The following DNAJB9 variants were observed in gnomAD, a reference collection of about 807,000 sequenced individuals.
DNAJB9 encodes DnaJ heat shock protein family (Hsp40) member B9.
DNAJB9 carries 12 observed loss-of-function variants against 19.2 expected under a neutral mutation model. That is an observed-to-expected ratio of 0.62 (90% CI 0.40 to 1.01). The LOEUF is 1.01. DNAJB9 is among the 50% of genes least tolerant of loss of function. The pLI is 0.00. For synonymous variants in DNAJB9, 83 were observed against 84.0 expected (o/e 0.99, Z 0.07); for missense variants, 272 against 261.1 (o/e 1.04, Z -0.29).
At chr7:108,572,642 CATTT>C (rs1248737508) in intron 2 of DNAJB9, among the ~76,000 whole-genome samples, 2 of 152,094 alleles carry the variant, frequency 1.3e-5, no homozygotes, top group Admixed American at 6.5e-5. Context: ...GTAATGGTAA[CATTT>C]AATAACTTTA....
chr7:108,572,856 A>G (rs374843202), intron 2 of DNAJB9, 43 bp from the exon 3 acceptor site: 4 of 1,478,594 alleles, frequency 2.7e-6, no homozygotes, highest in Non-Finnish European at 3.7e-6. Context: ...GTAATTTTGA[A>G]TATTTTACCT....
intron 2 of DNAJB9, among the ~76,000 whole-genome samples, chr7:108,572,417 A>G (rs1185230592): frequency 2.0e-5 from 3 of 152,180 alleles, no homozygotes; most frequent in Non-Finnish European, 2.9e-5. Flanking sequence ...CTCTAAAACA[A>G]ATTGCACCTG....
At position 108,571,823 on chromosome 7, in the gene DNAJB9, G is replaced by T. The variant is rs1231543919; in HGVS notation, c.97G>T (p.Val33Leu). The T allele has an allele frequency of 5.0e-6, 8 of 1,614,000 alleles. No individual in the cohort carries two copies. The highest frequency in any genetic ancestry group is 6.8e-6 in the Non-Finnish European group (8 of 1,180,038). Residue 33 changes from valine to leucine, a missense_variant, in exon 2 of 3, where the codon GTG becomes TTG. By Grantham distance (32) the Val-to-Leu change is conservative. Coordinates refer to ENST00000249356, the MANE Select transcript of DNAJB9 (RefSeq NM_012328.3). Reference protein sequence around the residue: ...ASKSYYDILGVPKSASERQIK... With the variant: ...ASKSYYDILGLPKSASERQIK... The stretch of plus-strand genomic sequence containing the variant: ...AAAAAGCTACTATGATATCTTAGGT[G>T]TGCCAAAATCGGCATCAGAGCGCCA...
chr7:108,574,138 T>C lies in DNAJB9; in HGVS notation c.*785T>C, dbSNP rs1584294573. The C allele has an allele frequency of 6.5e-6, 1 of 152,778 alleles. No homozygotes were observed. Among genetic ancestry groups the C allele is most frequent in the African/African-American group, 2.4e-5 (1 of 41,590 alleles). 9.5% of individuals were successfully genotyped at this position (152,778 alleles called of 1,614,324 possible). A position where few individuals can be genotyped will look rare whatever the true frequency, so the allele number is the denominator to read the frequency against. ...TTTATGTGTTTGTGTGTGTGTAGTT[T>C]ATCCTCTCTCTCATCTTTATCTAGA... On this transcript the variant is annotated 3_prime_UTR_variant, in exon 3 of 3. Coordinates refer to ENST00000249356, the MANE Select transcript of DNAJB9 (RefSeq NM_012328.3).
chr7:108,572,948 T>TGG lies in DNAJB9; in HGVS notation c.268_269dup (p.His91AspfsTer153), dbSNP rs1179605233. 1.9e-6 allele frequency: 3 copies of TGG among 1,614,030 alleles called. No homozygotes were observed. The highest frequency in any genetic ancestry group is 2.5e-6 in the Non-Finnish European group (3 of 1,179,922). On this transcript the variant is annotated frameshift_variant, in exon 3 of 3. Transcript: ENST00000249356. LOFTEE classifies it high-confidence loss of function. ...ATAGACGAAAAGAGTATGATACACT[T>TGG]GGACACAGTGCTTTTACTAGTGGTA...
intron 1 of DNAJB9, among the ~76,000 whole-genome samples, chr7:108,571,094 T>C (rs559318354): frequency 6.6e-6 from 1 of 152,358 alleles, no homozygotes; most frequent in South Asian, 2.1e-4. Context: ...TTAGCCATGC[T>C]TCCTGGTTAA....
chr7:108,571,972 A>G (rs887281760), intron 2 of DNAJB9, 29 bp downstream of exon 2: 5 of 1,605,300 alleles, frequency 3.1e-6, no homozygotes, highest in Non-Finnish European at 4.3e-6. Context: ...CTGAAGTGTC[A>G]TGGGTATTAA....
At chr7:108,571,010 A>G (rs923216718) in intron 1 of DNAJB9, among the ~76,000 whole-genome samples, 2 of 152,242 alleles carry the variant, frequency 1.3e-5, no homozygotes, top group Non-Finnish European at 2.9e-5. Context: ...CACAGTACAA[A>G]CTATCAAAGT....
rs772501196 is a variant in DNAJB9, at chr7:108,572,914, C to T, written c.233C>T (p.Ser78Leu). Residue 78 changes from serine to leucine, a missense_variant, in exon 3 of 3, where the codon TCA becomes TTA. By Grantham distance (145) the Ser-to-Leu change is moderately radical (BLOSUM62 -2). Coordinates refer to ENST00000249356, the MANE Select transcript of DNAJB9 (RefSeq NM_012328.3). Reference sequence around the variant, plus strand: ...TCACTTTCAGCATATGAAACACTCTCAGATGCTAATAGACGAAAAGAGTAT... The same window carrying T: ...TCACTTTCAGCATATGAAACACTCTTAGATGCTAATAGACGAAAAGAGTAT... Reference protein sequence around the residue: ...REIAEAYETLSDANRRKEYDT... With the variant: ...REIAEAYETLLDANRRKEYDT... 1.6e-5 allele frequency: 26 copies of T among 1,603,062 alleles called. No homozygotes were observed. The highest frequency in any genetic ancestry group is 2.2e-5 in the East Asian group (1 of 44,690).
At chr7:108,570,679 C>G (rs1013177346) in intron 1 of DNAJB9, among the ~76,000 whole-genome samples, 3 of 152,136 alleles carry the variant, frequency 2.0e-5, no homozygotes, top group African/African-American at 7.2e-5. Flanking sequence ...GTTCTTGATT[C>G]TTGGTACCCG....
Position 108,573,220 on chromosome 7 carries a change from G to C in DNAJB9, c.539G>C (p.Ser180Thr). The change falls in exon 3 of 3, where the codon AGT becomes ACT. Residue 180 changes from serine (S) to threonine (T), a missense_variant. Transcript: ENST00000249356. The stretch of plus-strand genomic sequence containing the variant: ...GATATGGAGAAAATGTTTTCTTTTA[G>C]TGGTTTTGACTCTACCAATCAGCAT... Reference protein sequence around the residue: ...FEDMEKMFSFSGFDSTNQHTV... With the variant: ...FEDMEKMFSFTGFDSTNQHTV... 6.2e-7 allele frequency: 1 copy of C among 1,613,990 alleles called. No individual in the cohort carries two copies. The highest frequency in any genetic ancestry group is 8.5e-7 in the Non-Finnish European group (1 of 1,179,914).
At chr7:108,571,013 A>G (rs529145481) in intron 1 of DNAJB9, among the ~76,000 whole-genome samples, 1 of 152,262 alleles carries the variant, frequency 6.6e-6, no homozygotes, top group Admixed American at 6.5e-5. Context: ...AGTACAAACT[A>G]TCAAAGTTCA....
At position 108,569,902 on chromosome 7, in the gene DNAJB9, G is replaced by T. The variant is rs930008252; in HGVS notation, c.-212G>T. 6.8e-6 allele frequency: 3 copies of T among 438,132 alleles called. No homozygotes were observed. The highest frequency in any genetic ancestry group is 5.2e-5 in the South Asian group (2 of 38,616). The allele number at this position is 438,132 out of a possible 1,614,324, so 27.1% of individuals were successfully genotyped here. ...GTGGTGGCGCCAGCGGCTACCTCCTGCCTGTGAGGAGCTGGCTGAGAGGGG... is the reference window on the plus strand; with the variant it reads ...GTGGTGGCGCCAGCGGCTACCTCCTTCCTGTGAGGAGCTGGCTGAGAGGGG... On this transcript the variant is annotated 5_prime_UTR_variant, in exon 1 of 3. Transcript: ENST00000249356.
rs1401440690 is a variant in DNAJB9 at position 108,573,326 on chromosome 7, T to TA, written c.646dup (p.Thr216AsnfsTer4). ...CTCAACGAAGAGGAAATATGGTTAC[T>TA]ACATACACTGACTGTTCAGGACAGT... On this transcript the variant is annotated frameshift_variant, in exon 3 of 3. Coordinates refer to ENST00000249356, the MANE Select transcript of DNAJB9 (RefSeq NM_012328.3). LOFTEE classifies it high-confidence loss of function. The TA allele has an allele frequency of 6.3e-7, 1 of 1,596,318 alleles. No individual in the cohort carries two copies. The highest frequency in any genetic ancestry group is 8.5e-7 in the Non-Finnish European group (1 of 1,171,640).
Position 108,573,451 on chromosome 7 carries a change from T to G in DNAJB9, c.*98T>G. On this transcript the variant is annotated 3_prime_UTR_variant, in exon 3 of 3. Coordinates refer to ENST00000249356, the MANE Select transcript of DNAJB9 (RefSeq NM_012328.3). ...TGAACTATTTTGACAAGTGCATGAT[T>G]TCACTTTAAACAATTTGATATAGCT... 6.5e-6 allele frequency: 6 copies of G among 922,028 alleles called. No homozygotes were observed. Among genetic ancestry groups the G allele is most frequent in the Non-Finnish European group, 9.0e-6 (6 of 664,948 alleles). The allele number at this position is 922,028 out of a possible 1,614,324, so 57.1% of individuals were successfully genotyped here.
chr7:108,570,484 A>T (rs1344865276), intron 1 of DNAJB9, among the ~76,000 whole-genome samples: 1 of 150,894 alleles, frequency 6.6e-6, no homozygotes, highest in Non-Finnish European at 1.5e-5. Context: ...AGAAGTCTGT[A>T]CAATACAAAA....
Position 108,574,708 on chromosome 7 carries a change from T to C in DNAJB9, c.*1355T>C, listed in dbSNP as rs1385219696. 6.6e-6 allele frequency: 1 copy of C among 152,228 alleles called. No individual in the cohort carries two copies. Among genetic ancestry groups the C allele is most frequent in the Admixed American group, 6.5e-5 (1 of 15,288 alleles). The allele number at this position is 152,228 out of a possible 1,614,324, so 9.4% of individuals were successfully genotyped here. ...GGCGTGGTTGAGAAAAAGCAGAAAC[T>C]TTACATAAAGCTGTATTTCTTAATC... On this transcript the variant is annotated 3_prime_UTR_variant, in exon 3 of 3. Transcript: ENST00000249356.
In DNAJB9 at chr7:108,572,997, T is replaced by C; in HGVS notation, c.316T>C (p.Ser106Pro). 1 of 1,614,082 alleles carries C rather than the reference T, an allele frequency of 6.2e-7. No homozygotes were observed. The highest frequency in any genetic ancestry group is 1.3e-5 in the African/African-American group (1 of 75,058). Residue 106 changes from serine to proline, a missense_variant, in exon 3 of 3, where the codon TCT (serine) becomes CCT (proline). By Grantham distance (74) the Ser-to-Pro change is moderately conservative. Transcript: ENST00000249356. Reference sequence around the variant, plus strand: ...TAAAGGACAAAGAGGTAGTGGAAGTTCTTTTGAGCAGTCATTTAACTTCAA... The same window carrying C: ...TAAAGGACAAAGAGGTAGTGGAAGTCCTTTTGAGCAGTCATTTAACTTCAA... ...SGKGQRGSGS[S>P]FEQSFNFNFD... is the part of the protein sequence containing the mutation.
At chr7:108,570,255 G>A (rs1447784086) in intron 1 of DNAJB9, among the ~76,000 whole-genome samples, 152 bp downstream of exon 1, 1 of 152,158 alleles carries the variant, frequency 6.6e-6, no homozygotes, top group African/African-American at 2.4e-5. Context: ...TGGAAGAACG[G>A]AGACAGCCGC....
Sources: gnomAD v4.1 joint callset for allele counts (sites outside exome capture counted in the v4.1 genomes callset) on GRCh38, gnomAD v4.1.1 for gene constraint, MANE v1.5 for transcripts, NCBI Gene and HGNC (gene_info 2026-07-23, HGNC 2026-07-21) for gene names.